The following CYLD variants were observed in gnomAD, a reference collection of about 807,000 sequenced individuals.
CYLD encodes CYLD lysine 63 deubiquitinase.
In CYLD, 26 loss-of-function variants were observed where a neutral mutation model predicts 104.5. The observed-to-expected ratio is 0.25, with a 90% CI of 0.18 to 0.35. The LOEUF (loss-of-function observed/expected upper bound fraction) is 0.35. CYLD is among the 10% of genes least tolerant of loss of function. CYLD has a pLI of 1.00. For synonymous variants in CYLD, 385 were observed against 399.9 expected, an observed-to-expected ratio of 0.96 and a Z score of 0.45; for missense variants, 703 against 1,136.1, an observed-to-expected ratio of 0.62 and a Z score of 5.48.
At chr16:50,793,475 A>T in intron 16 of CYLD, 71 bp from the exon 17 acceptor site, 2 of 1,050,258 alleles carry the variant, frequency 1.9e-6, no homozygotes, top group Non-Finnish European at 1.5e-6. Flanking sequence ...ACTTTTCTTT[A>T]CATCTTCTTC....
chr16:50,782,265 C>T (rs1171685567), intron 10 of CYLD, 60 bp from the exon 11 acceptor site: 6 of 1,234,996 alleles, frequency 4.9e-6, no homozygotes, highest in East Asian at 2.5e-5. Flanking sequence ...TATGGGAATA[C>T]ATATTGTAAT....
intron 5 of CYLD, among the ~76,000 whole-genome samples, chr16:50,771,248 A>T (rs944101696): frequency 2.0e-5 from 3 of 152,188 alleles, no homozygotes; most frequent in Admixed American, 6.5e-5. Flanking sequence ...CATTTCACAT[A>T]AATAGAATAA....
intron 18 of CYLD, among the ~76,000 whole-genome samples, chr16:50,795,110 G>T (rs948580294): frequency 1.3e-5 from 2 of 152,144 alleles, no homozygotes; most frequent in Admixed American, 6.5e-5. Flanking sequence ...CTGGCAAGAT[G>T]GGGATTATTC....
At position 50,779,680 on chromosome 16, in the gene CYLD, C is replaced by T. The variant is rs547729513; in HGVS notation, c.1154C>T (p.Ala385Val). Residue 385 changes from alanine (A) to valine (V), a missense_variant, in exon 9 of 19, where the codon GCA becomes GTA. Ala to Val is a moderately conservative substitution (Grantham distance 64). Around this residue, in one of 5 missense-constraint regions of CYLD, gnomAD observed 183 missense variants for 212.1 expected, o/e 0.86. Transcript: ENST00000427738. ...AATTTTTTAGTTGCAGAAGACCCTG[C>T]AAAATCTCTTACAGAGATATCTACA... ...WYIDEVAEDPAKSLTEISTDF... is the reference protein window; with the variant it reads ...WYIDEVAEDPVKSLTEISTDF... 1.2e-6 allele frequency: 2 copies of T among 1,613,730 alleles called. No individual in the cohort carries two copies. The highest frequency in any genetic ancestry group is 1.7e-6 in the Non-Finnish European group (2 of 1,179,886).
At chr16:50,784,510 G>A in intron 12 of CYLD, 59 bp downstream of exon 12, 2 of 1,557,446 alleles carry the variant, frequency 1.3e-6, no homozygotes, top group East Asian at 2.3e-5. Context: ...GCTGTTTTCT[G>A]GTATAGTAAT....
chr16:50,751,201 T>C (rs1005910879), intron 3 of CYLD, among the ~76,000 whole-genome samples: 4 of 152,246 alleles, frequency 2.6e-5, no homozygotes, highest in African/African-American at 9.6e-5. Flanking sequence ...GTGTTAATAG[T>C]ACATGACTTG....
chr16:50,768,921 A>T (rs547042030), intron 5 of CYLD, among the ~76,000 whole-genome samples: 15 of 152,300 alleles, frequency 9.8e-5, no homozygotes, highest in African/African-American at 3.6e-4. Flanking sequence ...TCTTTACATC[A>T]GTATACACTT....
intron 2 of CYLD, among the ~76,000 whole-genome samples, chr16:50,745,358 C>CTTTT (rs780693607): frequency 2.8e-5 from 3 of 106,378 alleles, no homozygotes; most frequent in Admixed American, 9.6e-5. Flanking sequence ...TCTCTTTCCT[C>CTTTT]TTTGTTTTTT....
chr16:50,768,859 C>G (rs991319155), intron 5 of CYLD, among the ~76,000 whole-genome samples: 1 of 152,156 alleles, frequency 6.6e-6, no homozygotes, highest in African/African-American at 2.4e-5. Flanking sequence ...GGATCCCTCC[C>G]TCTGCCTCTT....
At position 50,793,545 on chromosome 16, in the gene CYLD, G is replaced by T; in HGVS notation, c.2351-1G>T. 1 of 1,600,696 alleles carries T rather than the reference G, an allele frequency of 6.2e-7. No individual in the cohort carries two copies. Among genetic ancestry groups the T allele is most frequent in the Non-Finnish European group, 8.6e-7 (1 of 1,168,002 alleles). ...CTTCCCTTCCCCTTCTCACATTTCA[G>T]CTCCCAGACAGTGCCGGATATGTGG... On this transcript the variant is annotated splice_acceptor_variant, in intron 16 of 18. Transcript: ENST00000427738. LOFTEE classifies it high-confidence loss of function.
intron 11 of CYLD, among the ~76,000 whole-genome samples, chr16:50,783,463 ATAT>A (rs1378405348): frequency 6.6e-6 from 1 of 152,174 alleles, no homozygotes; most frequent in Non-Finnish European, 1.5e-5. Flanking sequence ...CATTGATATA[ATAT>A]TCTTTAGATT....
intron 13 of CYLD, chr16:50,787,453 T>C (rs1015333003): frequency 9.8e-6 from 3 of 306,092 alleles, no homozygotes; most frequent in Admixed American, 4.9e-5. Flanking sequence ...GTTCAGAGGC[T>C]TGCAGGAAAA....
intron 5 of CYLD, among the ~76,000 whole-genome samples, chr16:50,767,704 T>C (rs1968671456): frequency 1.3e-5 from 2 of 152,180 alleles, no homozygotes; most frequent in Non-Finnish European, 2.9e-5. Flanking sequence ...AGTTGGCTTA[T>C]GTATAATTGA....
chr16:50,775,805 A>G (rs939212110), intron 6 of CYLD, among the ~76,000 whole-genome samples: 1 of 152,202 alleles, frequency 6.6e-6, no homozygotes, highest in Non-Finnish European at 1.5e-5. Context: ...ACTTCATAAT[A>G]CACAGGGGTG....
At chr16:50,781,217 T>A (rs1481301323) in intron 9 of CYLD, 29 bp from the exon 10 acceptor site, 1 of 1,612,698 alleles carries the variant, frequency 6.2e-7, no homozygotes, top group East Asian at 2.2e-5. Context: ...AGGCACGGTA[T>A]AATGCATATT....
intron 14 of CYLD, 29 bp downstream of exon 14, chr16:50,787,881 G>A (rs1350197474): frequency 3.2e-6 from 4 of 1,268,880 alleles, no homozygotes; most frequent in Non-Finnish European, 4.6e-6. Flanking sequence ...TAGAAGCATT[G>A]GAAAAATAGA....
At chr16:50,782,818 A>G (rs1426752104) in intron 11 of CYLD, among the ~76,000 whole-genome samples, 2 of 152,096 alleles carry the variant, frequency 1.3e-5, no homozygotes, top group Non-Finnish European at 2.9e-5. Flanking sequence ...TTAGTAGGTA[A>G]AGGCAGTCAT....
At chr16:50,752,157 G>T (rs977066272) in intron 4 of CYLD, among the ~76,000 whole-genome samples, 1 of 151,596 alleles carries the variant, frequency 6.6e-6, no homozygotes, top group African/African-American at 2.4e-5. Flanking sequence ...CATTGAAATA[G>T]AACAGGGGTC....
intron 1 of CYLD, 162 bp downstream of exon 1, chr16:50,742,286 A>C (rs1405921814): frequency 6.7e-6 from 1 of 150,254 alleles, no homozygotes; most frequent in East Asian, 2.0e-4. Context: ...GCCTGGCCTC[A>C]GGGCGTCCGG....
Sources: allele counts gnomAD v4.1 joint callset (sites outside exome capture counted in the v4.1 genomes callset), GRCh38; gene constraint gnomAD v4.1.1; regional missense constraint gnomAD v4.1.1; transcripts MANE v1.5; gene names NCBI Gene and HGNC (gene_info 2026-07-23, HGNC 2026-07-21).